DMD: variants seen among roughly 807,000 people sequenced by gnomAD.
DMD encodes the protein mutant dystrophin.
DMD carries 63 observed loss-of-function variants against 330.1 expected under a neutral mutation model. The observed-to-expected ratio is 0.19, with a 90% CI of 0.16 to 0.24. The LOEUF (loss-of-function observed/expected upper bound fraction) is 0.24. Among genes scored for constraint, DMD ranks in the 10% least tolerant of loss-of-function variants. DMD has a pLI of 1.00. For synonymous variants in DMD, 1,223 were observed against 959.8 expected (o/e 1.27, Z -5.07); for missense variants, 3,344 against 2,684.1 (o/e 1.25, Z -5.43).
chrX:31,257,639 T>TA (rs199542535), intron 63 of DMD, among the ~76,000 whole-genome samples: 9,714 of 112,298 alleles, frequency 0.087, 441 homozygotes, highest in Non-Finnish European at 0.14. Context: ...GTTAATCTTA[T>TA]ATGGGATCTC....
At chrX:32,718,287 T>A (rs1446400406) in intron 7 of DMD, among the ~76,000 whole-genome samples, 1 of 111,178 alleles carries the variant, frequency 9.0e-6, no homozygotes, top group African/African-American at 3.3e-5. Context: ...TCCCTCTTAC[T>A]GTTCCAATGA....
chrX:31,176,561 T>C (rs1472688566), intron 71 of DMD, among the ~76,000 whole-genome samples: 1 of 111,618 alleles, frequency 9.0e-6, no homozygotes, highest in Admixed American at 9.6e-5. Context: ...GTTAAACTTA[T>C]TTCCACATAG....
intron 52 of DMD, among the ~76,000 whole-genome samples, chrX:31,711,274 A>G (rs1413268176): frequency 9.0e-6 from 1 of 111,054 alleles, no homozygotes; most frequent in African/African-American, 3.3e-5. Context: ...GAAAACATAC[A>G]TCTGCTAAAA....
chrX:31,952,433 A>G (rs1410487948), intron 45 of DMD, among the ~76,000 whole-genome samples: 1 of 95,444 alleles, frequency 1.0e-5, no homozygotes, highest in Non-Finnish European at 2.1e-5. Flanking sequence ...TTATTTATCT[A>G]TTTTCAAATT....
Position 31,932,212 on chromosome X carries a change from C to A in DMD, c.6630G>T (p.Lys2210Asn). 3 of 1,184,312 alleles carry A rather than the reference C, an allele frequency of 2.5e-6. No individual in the cohort carries two copies. The highest frequency in any genetic ancestry group is 3.4e-6 in the Non-Finnish European group (3 of 871,163). The stretch of plus-strand genomic sequence containing the variant: ...CTCTTTGAAATTCTGACAAGATATT[C>A]TTTTGTTCTTCTAGCCTGGAGAAAG... ...SDRKKRLEEQKNILSEFQRDL... is the reference protein window; with the variant it reads ...SDRKKRLEEQNNILSEFQRDL... The change falls in exon 46 of 79, where the codon AAG (lysine) becomes AAT (asparagine). Residue 2210 changes from lysine (K) to asparagine (N), a missense_variant. Coordinates refer to ENST00000357033, the MANE Select transcript of DMD (RefSeq NM_004006.3).
At chrX:31,677,975 T>C (rs140256980) in intron 53 of DMD, among the ~76,000 whole-genome samples, 1,963 of 112,214 alleles carry the variant, frequency 0.017, 14 homozygotes, top group Non-Finnish European at 0.026. Flanking sequence ...ACATTCTGTC[T>C]TCCTTTTCTG....
chrX:31,856,879 T>C (rs2093620632), intron 48 of DMD, among the ~76,000 whole-genome samples: 1 of 112,450 alleles, frequency 8.9e-6, no homozygotes, highest in Admixed American at 9.4e-5. Flanking sequence ...CAAATAATTT[T>C]AAAGACAGAG....
intron 2 of DMD, among the ~76,000 whole-genome samples, chrX:32,998,721 T>G: frequency 9.0e-6 from 1 of 111,152 alleles, no homozygotes; most frequent in Non-Finnish European, 1.9e-5. Flanking sequence ...TTTAACTAAC[T>G]TATTGAGATG....
intron 44 of DMD, among the ~76,000 whole-genome samples, chrX:32,063,214 A>C (rs1367135091): frequency 9.1e-6 from 1 of 110,086 alleles, no homozygotes; most frequent in Non-Finnish European, 1.9e-5. Context: ...ACACACACAC[A>C]TGATTATATA....
At chrX:32,698,122 T>G in intron 8 of DMD, 124 bp from the exon 9 acceptor site, 2 of 751,219 alleles carry the variant, frequency 2.7e-6, no homozygotes, top group South Asian at 2.7e-5. Context: ...GATTCAATGT[T>G]TAATACTAAA....
intron 41 of DMD, among the ~76,000 whole-genome samples, chrX:32,339,162 G>A (rs1230759024): frequency 3.6e-5 from 4 of 111,386 alleles, no homozygotes; most frequent in African/African-American, 1.3e-4. Flanking sequence ...CTATTGTACA[G>A]ATGAAGTAAA....
At chrX:32,241,599 T>C (rs2097208884) in intron 43 of DMD, among the ~76,000 whole-genome samples, 1 of 112,264 alleles carries the variant, frequency 8.9e-6, no homozygotes, top group African/African-American at 3.2e-5. Flanking sequence ...TGGCTTCCAC[T>C]GTTGTTTTGT....
At chrX:31,706,342 T>A (rs1194352841) in intron 52 of DMD, among the ~76,000 whole-genome samples, 2 of 110,793 alleles carry the variant, frequency 1.8e-5, no homozygotes, top group Non-Finnish European at 3.8e-5. Context: ...AAAGTTAGAA[T>A]TTTGGAAAAC....
At chrX:32,444,957 T>G (rs12833245) in intron 27 of DMD, among the ~76,000 whole-genome samples, 47,227 of 109,923 alleles carry the variant, frequency 0.43, 7,933 homozygotes, top group East Asian at 0.79. Flanking sequence ...TCTTTCAAAC[T>G]TCTCATTCCT....
intron 51 of DMD, among the ~76,000 whole-genome samples, chrX:31,750,426 C>G (rs1424269020): frequency 2.7e-5 from 3 of 109,801 alleles, no homozygotes; most frequent in Admixed American, 9.8e-5. Flanking sequence ...GCTTGTTTTT[C>G]TCAGGTTTGT....
intron 44 of DMD, among the ~76,000 whole-genome samples, chrX:32,106,104 T>C (rs908688908): frequency 8.9e-6 from 1 of 111,849 alleles, no homozygotes; most frequent in Non-Finnish European, 1.9e-5. Flanking sequence ...TTATGCTGTC[T>C]AATAGATCTA....
chrX:33,184,455 G>A (rs1048765562), intron 1 of DMD, among the ~76,000 whole-genome samples: 1 of 111,068 alleles, frequency 9.0e-6, no homozygotes, highest in Non-Finnish European at 1.9e-5. Context: ...GTCAAACAAA[G>A]CAAAGCCAAA....
intron 71 of DMD, among the ~76,000 whole-genome samples, chrX:31,176,524 A>G (rs1390868574): frequency 1.8e-5 from 2 of 111,340 alleles, no homozygotes; most frequent in African/African-American, 6.5e-5. Flanking sequence ...GTTCTTTAGC[A>G]TATTTGTCGT....
At chrX:31,798,401 T>C (rs2091923008) in intron 50 of DMD, among the ~76,000 whole-genome samples, 1 of 110,947 alleles carries the variant, frequency 9.0e-6, no homozygotes, top group Admixed American at 9.6e-5. Context: ...TAAGTATAAT[T>C]TGTAGCAGAG....
Sources: gnomAD v4.1 joint callset for allele counts (sites outside exome capture counted in the v4.1 genomes callset) on GRCh38, gnomAD v4.1.1 for gene constraint, MANE v1.5 for transcripts, NCBI Gene and HGNC (gene_info 2026-07-23, HGNC 2026-07-21) for gene names.